Variants in MME observed in about 807,000 individuals in gnomAD.
The protein encoded by MME is neprilysin.
In MME, 98 loss-of-function variants were observed where a neutral mutation model predicts 113.2. That is an observed-to-expected ratio of 0.87 (90% CI 0.74 to 1.02). The LOEUF (loss-of-function observed/expected upper bound fraction) is 1.02. Among genes scored for constraint, MME ranks in the 50% least tolerant of loss-of-function variants. MME has a pLI of 0.00. For synonymous variants in MME, 292 were observed against 300.6 expected (o/e 0.97, Z 0.30); for missense variants, 836 against 896.0 (o/e 0.93, Z 0.86).
chr3:155,142,069 G>T lies in MME; in HGVS notation c.1036G>T (p.Val346Phe), dbSNP rs775088143. ...TATTACAAATGAGGAAGATGTGGTT[G>T]TTTATGCTCCAGAATATTTAACCAA... ...ISITNEEDVVVYAPEYLTKLK... is the reference protein window; with the variant it reads ...ISITNEEDVVFYAPEYLTKLK... Residue 346 changes from valine (V) to phenylalanine (F), a missense_variant, in exon 11 of 23, where the codon GTT becomes TTT. Val to Phe is a conservative substitution (Grantham distance 50). Transcript: ENST00000360490. 2 of 1,613,810 alleles carry T rather than the reference G, an allele frequency of 1.2e-6. No individual in the cohort carries two copies. The highest frequency in any genetic ancestry group is 1.7e-6 in the Non-Finnish European group (2 of 1,179,784).
intron 1 of MME, among the ~76,000 whole-genome samples, chr3:155,056,812 C>T (rs1359979942): frequency 5.3e-5 from 8 of 152,124 alleles, no homozygotes; most frequent in African/African-American, 1.7e-4. Flanking sequence ...AAAGTCTGAT[C>T]TTTGACAAAC....
At chr3:155,056,697 A>G (rs1330680520) in intron 1 of MME, among the ~76,000 whole-genome samples, 1 of 152,062 alleles carries the variant, frequency 6.6e-6, no homozygotes, top group Non-Finnish European at 1.5e-5. Flanking sequence ...ATACCCAGTA[A>G]TGGGATGGCT....
intron 1 of MME, among the ~76,000 whole-genome samples, chr3:155,030,145 T>A (rs185188579): frequency 6.6e-6 from 1 of 152,222 alleles, no homozygotes; most frequent in Non-Finnish European, 1.5e-5. Context: ...AGGGAATAGG[T>A]AAAGATTCAA....
chr3:155,073,674 T>C (rs903112835), intron 1 of MME, among the ~76,000 whole-genome samples: 6 of 152,198 alleles, frequency 3.9e-5, no homozygotes, highest in Non-Finnish European at 5.9e-5. Context: ...TCAAGCCAGA[T>C]AATAAATGTT....
intron 1 of MME, among the ~76,000 whole-genome samples, chr3:155,058,751 A>G (rs1321104356): frequency 6.6e-6 from 1 of 152,218 alleles, no homozygotes; most frequent in East Asian, 1.9e-4. Context: ...CTCCACATTG[A>G]TATATTTGAA....
chr3:155,044,479 T>A (rs539739060), intron 1 of MME, among the ~76,000 whole-genome samples: 1 of 152,096 alleles, frequency 6.6e-6, no homozygotes, highest in African/African-American at 2.4e-5. Flanking sequence ...GCAGCTTCTT[T>A]ACTGTTGAGA....
chr3:155,101,731 G>A (rs879625141), intron 3 of MME, among the ~76,000 whole-genome samples: 6 of 151,998 alleles, frequency 3.9e-5, no homozygotes, highest in Admixed American at 1.3e-4. Context: ...CACAGCTGCC[G>A]TGGGTGCCCT....
At position 155,090,852 on chromosome 3, in the gene MME, G is replaced by T. The variant is rs1716227917; in HGVS notation, c.196+5758G>T. 2.0e-5 allele frequency among the ~76,000 whole-genome samples: 3 copies of T among 152,224 alleles called. No individual in the cohort carries two copies. The South Asian group carries it at 6.2e-4, about 31-fold the overall frequency. The stretch of plus-strand genomic sequence containing the variant: ...ACTGAAATGAAGCTTGCAAATGTCT[G>T]CAAGGGCCAGATCATGGTGATGCCC... On this transcript the variant is annotated intron_variant, in intron 3 of 22. Transcript: ENST00000360490.
intron 8 of MME, among the ~76,000 whole-genome samples, chr3:155,119,123 T>C (rs539185735): frequency 1.3e-5 from 2 of 152,328 alleles, no homozygotes; most frequent in South Asian, 4.1e-4. Flanking sequence ...AACTGCATTA[T>C]TTAAAAAATG....
chr3:155,158,986 A>G (rs1722516403), intron 16 of MME: 1 of 152,012 alleles, frequency 6.6e-6, no homozygotes, highest in Admixed American at 6.6e-5. Flanking sequence ...TTTTCTTCCT[A>G]AAGAAAAATT....
intron 13 of MME, 117 bp from the exon 14 acceptor site, chr3:155,144,242 A>T: frequency 1.3e-6 from 1 of 744,254 alleles, no homozygotes; most frequent in Non-Finnish European, 2.4e-6. Flanking sequence ...TTTGTCTATA[A>T]ATTTACGTTT....
intron 8 of MME, among the ~76,000 whole-genome samples, chr3:155,133,056 A>ATATATATATATATAT (rs1466261014): frequency 1.2e-5 from 1 of 85,318 alleles, no homozygotes; most frequent in South Asian, 3.0e-4. Context: ...AAAAAAAAAA[A>ATATATATATATATAT]AAAAAAATAT....
intron 1 of MME, among the ~76,000 whole-genome samples, chr3:155,045,109 T>C (rs1241281130): frequency 6.6e-6 from 1 of 152,176 alleles, no homozygotes; most frequent in Non-Finnish European, 1.5e-5. Flanking sequence ...AAGTAGTCCT[T>C]CTATCTTTTC....
chr3:155,025,560 G>T (rs1036055227), intron 1 of MME, among the ~76,000 whole-genome samples: 6 of 149,736 alleles, frequency 4.0e-5, no homozygotes, highest in Admixed American at 2.0e-4. Flanking sequence ...GGAGGCAGAG[G>T]TTGCGGTGAG....
intron 4 of MME, 133 bp from the exon 5 acceptor site, chr3:155,116,346 A>G: frequency 2.9e-6 from 2 of 697,678 alleles, no homozygotes; most frequent in Non-Finnish European, 2.6e-6. Context: ...AAATGAATGT[A>G]CCTCCAGAAA....
At chr3:155,122,395 G>C (rs1719230395) in intron 8 of MME, among the ~76,000 whole-genome samples, 2 of 131,604 alleles carry the variant, frequency 1.5e-5, no homozygotes, top group Non-Finnish European at 3.2e-5. Context: ...TTTTTTGAAG[G>C]GTTTTTTGTG....
intron 8 of MME, among the ~76,000 whole-genome samples, chr3:155,119,522 T>A (rs1718925748): frequency 7.5e-6 from 1 of 134,156 alleles, no homozygotes; most frequent in Admixed American, 7.6e-5. Context: ...ACCCACTAAC[T>A]CGTCATCTAG....
At chr3:155,139,389 A>C (rs137950759) in intron 9 of MME, among the ~76,000 whole-genome samples, 47 of 152,326 alleles carry the variant, frequency 3.1e-4, no homozygotes, top group African/African-American at 1.1e-3. Context: ...CCAGCATAGT[A>C]TTGCACAAAG....
chr3:155,075,367 T>C (rs1201721780), upstream of MME, among the ~76,000 whole-genome samples: 1 of 152,184 alleles, frequency 6.6e-6, no homozygotes, highest in Admixed American at 6.5e-5. Flanking sequence ...TTTATTTGTT[T>C]GTTTTATGCC....
Sources: allele counts gnomAD v4.1 joint callset (sites outside exome capture counted in the v4.1 genomes callset), GRCh38; gene constraint gnomAD v4.1.1; transcripts MANE v1.5; gene names NCBI Gene and HGNC (gene_info 2026-07-23, HGNC 2026-07-21).